Variants in LAMA2 observed in about 807,000 individuals in gnomAD.
LAMA2 encodes laminin subunit alpha-2.
In LAMA2, 269 loss-of-function variants were observed where a neutral mutation model predicts 364.8. That is an observed-to-expected ratio of 0.74 (90% confidence interval 0.67 to 0.82). LAMA2 has a LOEUF of 0.82. Among genes scored for constraint, LAMA2 ranks in the 40% least tolerant of loss-of-function variants. LAMA2 has a pLI of 0.00. For synonymous variants in LAMA2, 1,379 were observed against 1,370.6 expected, an observed-to-expected ratio of 1.01 and a Z score of -0.14; for missense variants, 3,807 against 3,873.2, an observed-to-expected ratio of 0.98 and a Z score of 0.45.
chr6:129,502,603 A>G (rs1785734786), intron 58 of LAMA2, 56 bp from the exon 59 acceptor site: 1 of 1,059,520 alleles, frequency 9.4e-7, no homozygotes, highest in Admixed American at 1.7e-5. Flanking sequence ...CAGCATCATT[A>G]CCTTTTTAAA....
intron 4 of LAMA2, among the ~76,000 whole-genome samples, chr6:129,131,090 A>G (rs1345269443): frequency 2.0e-5 from 3 of 152,232 alleles, no homozygotes; most frequent in African/African-American, 7.2e-5. Context: ...CTGGGAAAGC[A>G]TATTACAAAT....
At chr6:128,997,426 G>A (rs553478510) in intron 1 of LAMA2, among the ~76,000 whole-genome samples, 15 of 152,198 alleles carry the variant, frequency 9.9e-5, no homozygotes, top group Non-Finnish European at 1.9e-4. Flanking sequence ...TGTGACTAGA[G>A]TGAAGTAAGA....
intron 4 of LAMA2, among the ~76,000 whole-genome samples, chr6:129,129,878 C>T (rs1443629988): frequency 6.8e-6 from 1 of 148,010 alleles, no homozygotes; most frequent in Non-Finnish European, 1.5e-5. Context: ...GAGCCGAGAT[C>T]CCGCCACTGC....
chr6:129,353,351 T>C lies in LAMA2; in HGVS notation c.4711T>C (p.Cys1571Arg), dbSNP rs745647209. The C allele has an allele frequency of 6.2e-7, 1 of 1,613,028 alleles. No homozygotes were observed. The highest frequency in any genetic ancestry group is 1.1e-5 in the South Asian group (1 of 91,014). Residue 1571 changes from cysteine to arginine, a missense_variant, in exon 32 of 65, where the codon TGT becomes CGT. Physicochemically the swap from Cys to Arg is radical, Grantham distance 180. Around this residue, in one of 3 missense-constraint regions of LAMA2, gnomAD observed 3,333 missense variants for 3,345.7 expected, o/e 1.00. Transcript: ENST00000421865. Reference protein sequence around the residue: ...KHWHAREGWECVFCGDECTGL... With the variant: ...KHWHAREGWERVFCGDECTGL... ...CTGGCATGCACGCGAGGGCTGGGAG[T>C]GTGTTTGTACGTATACTAACTTTGC...
chr6:129,372,055 A>G (rs922908487), intron 34 of LAMA2, among the ~76,000 whole-genome samples: 3 of 152,188 alleles, frequency 2.0e-5, no homozygotes, highest in Non-Finnish European at 2.9e-5. Flanking sequence ...TTGAGTGTAA[A>G]GTTCAGAGTG....
At chr6:129,082,150 T>A (rs1774099485) in intron 3 of LAMA2, among the ~76,000 whole-genome samples, 1 of 152,138 alleles carries the variant, frequency 6.6e-6, no homozygotes, top group Non-Finnish European at 1.5e-5. Context: ...TTATTGGTAA[T>A]CCTTTTTCGT....
intron 1 of LAMA2, among the ~76,000 whole-genome samples, chr6:128,995,631 G>A (rs966120750): frequency 6.6e-6 from 1 of 152,032 alleles, no homozygotes; most frequent in South Asian, 2.1e-4. Flanking sequence ...GCCCCAGTAG[G>A]TGGTTTAAAC....
chr6:129,492,165 T>C (rs1228341633), intron 57 of LAMA2, 88 bp downstream of exon 57: 1 of 1,408,818 alleles, frequency 7.1e-7, no homozygotes, highest in East Asian at 2.3e-5. Context: ...TGTCTACAGC[T>C]ATGCAGGGGA....
At chr6:129,114,792 A>G (rs980863147) in intron 4 of LAMA2, among the ~76,000 whole-genome samples, 2 of 152,034 alleles carry the variant, frequency 1.3e-5, no homozygotes, top group Non-Finnish European at 1.5e-5. Flanking sequence ...ACATAAACAT[A>G]TATGTATGGT....
chr6:129,413,599 T>C (rs1185567682), intron 40 of LAMA2, among the ~76,000 whole-genome samples: 1 of 152,136 alleles, frequency 6.6e-6, no homozygotes, highest in Non-Finnish European at 1.5e-5. Context: ...CATAATGCAA[T>C]ACAATTAGAA....
intron 1 of LAMA2, among the ~76,000 whole-genome samples, chr6:128,910,959 G>A (rs1392087526): frequency 5.3e-5 from 8 of 151,312 alleles, no homozygotes; most frequent in East Asian, 1.9e-4. Flanking sequence ...GGGGGTCAGG[G>A]GTCAGGGACC....
intron 27 of LAMA2, among the ~76,000 whole-genome samples, chr6:129,320,144 T>TAAA (rs1350321663): frequency 6.7e-6 from 1 of 148,646 alleles, no homozygotes; most frequent in East Asian, 2.0e-4. Flanking sequence ...AATAAATAAA[T>TAAA]AAATAAATAA....
At chr6:129,214,511 T>C (rs573686623) in intron 12 of LAMA2, among the ~76,000 whole-genome samples, 2 of 152,336 alleles carry the variant, frequency 1.3e-5, no homozygotes, top group Admixed American at 1.3e-4. Context: ...TGTCCAGTTT[T>C]TCTAGTGCCA....
chr6:129,306,861 G>A (rs1773912653), intron 22 of LAMA2, among the ~76,000 whole-genome samples: 4 of 151,160 alleles, frequency 2.6e-5, no homozygotes, highest in Non-Finnish European at 5.9e-5. Flanking sequence ...ATTTATTCTT[G>A]AAAATATAAT....
chr6:129,172,414 G>T (rs889382181), intron 9 of LAMA2, among the ~76,000 whole-genome samples: 1 of 152,138 alleles, frequency 6.6e-6, no homozygotes, highest in East Asian at 1.9e-4. Context: ...TCAGCTGCAG[G>T]TCTGTTGCAA....
chr6:129,492,937 T>C (rs1448533191), intron 58 of LAMA2, among the ~76,000 whole-genome samples: 1 of 152,182 alleles, frequency 6.6e-6, no homozygotes, highest in Non-Finnish European at 1.5e-5. Flanking sequence ...GCAGATTGCC[T>C]GAGCTCAGGA....
Position 128,969,805 on chromosome 6 carries a change from T to C in LAMA2, c.113-80113T>C, listed in dbSNP as rs1782079940. On this transcript the variant is annotated intron_variant, in intron 1 of 64. Transcript: ENST00000421865. ...TTGGATAAAACAAAAAAATTAAAACTACTGTAAAAGTGAAAGATACTACAT... is the reference window on the plus strand; with the variant it reads ...TTGGATAAAACAAAAAAATTAAAACCACTGTAAAAGTGAAAGATACTACAT... Among the ~76,000 whole-genome samples the C allele has an allele frequency of 2.6e-5, 4 of 152,298 alleles. No homozygotes were observed. The South Asian group carries it at 8.3e-4, about 32-fold the overall frequency.
chr6:128,973,912 T>C (rs1782358985), intron 1 of LAMA2, among the ~76,000 whole-genome samples: 1 of 152,156 alleles, frequency 6.6e-6, no homozygotes, highest in Non-Finnish European at 1.5e-5. Flanking sequence ...CTGTGGGACC[T>C]CTATGCCCCC....
chr6:129,325,711 C>T (rs1775237484), intron 28 of LAMA2, among the ~76,000 whole-genome samples: 1 of 152,150 alleles, frequency 6.6e-6, no homozygotes, highest in Non-Finnish European at 1.5e-5. Context: ...AGTTAACCTA[C>T]TCATTTGTGG....
Sources: allele counts gnomAD v4.1 joint callset (sites outside exome capture counted in the v4.1 genomes callset), GRCh38; gene constraint gnomAD v4.1.1; regional missense constraint gnomAD v4.1.1; transcripts MANE v1.5; gene names NCBI Gene and HGNC (gene_info 2026-07-23, HGNC 2026-07-21).